Variants in CSMD3 observed in about 807,000 individuals in gnomAD.
CSMD3 encodes CUB and sushi domain-containing protein 3.
CSMD3 carries 177 observed loss-of-function variants against 435.2 expected under a neutral mutation model. The ratio of observed to expected loss-of-function variants is 0.41; its 90% CI spans 0.36 to 0.46. The LOEUF is 0.46. CSMD3 is among the 20% of genes least tolerant of loss of function. The pLI is 0.34. For missense variants in CSMD3, 4,265 were observed against 4,504.6 expected, an observed-to-expected ratio of 0.95 and a Z score of 1.52; for synonymous variants, 1,656 against 1,520.5, an observed-to-expected ratio of 1.09 and a Z score of -2.07.
chr8:112,479,273 G>C (rs1221312940), intron 31 of CSMD3, among the ~76,000 whole-genome samples: 1 of 152,156 alleles, frequency 6.6e-6, no homozygotes, highest in Non-Finnish European at 1.5e-5. Context: ...CTTAAAGTTG[G>C]AGCTTATATT....
At chr8:112,824,592 G>A (rs1258053651) in intron 12 of CSMD3, among the ~76,000 whole-genome samples, 1 of 152,106 alleles carries the variant, frequency 6.6e-6, no homozygotes, top group Non-Finnish European at 1.5e-5. Context: ...TAAAATTCTG[G>A]ATTGAAAATT....
chr8:113,059,897 A>AC (rs2088529552), intron 5 of CSMD3, among the ~76,000 whole-genome samples: 1 of 151,994 alleles, frequency 6.6e-6, no homozygotes, highest in South Asian at 2.1e-4. Flanking sequence ...GGCAAGGGTA[A>AC]TTTTTTTTCT....
intron 1 of CSMD3, among the ~76,000 whole-genome samples, chr8:113,356,909 A>C (rs1237766149): frequency 6.6e-6 from 1 of 152,150 alleles, no homozygotes; most frequent in Non-Finnish European, 1.5e-5. Flanking sequence ...CAACATAAAA[A>C]TATTTTTTTC....
intron 5 of CSMD3, among the ~76,000 whole-genome samples, chr8:113,023,331 T>A (rs16884290): frequency 0.052 from 7,854 of 152,148 alleles, 308 homozygotes; most frequent in Non-Finnish European, 0.082. Context: ...ATTTTTCACA[T>A]CATTACCTCC....
intron 38 of CSMD3, among the ~76,000 whole-genome samples, chr8:112,372,884 A>G (rs2131189696): frequency 6.6e-6 from 1 of 151,082 alleles, no homozygotes; most frequent in South Asian, 2.1e-4. Context: ...AAATAAATAA[A>G]AATAAATCAG....
At chr8:112,279,792 A>T (rs1818452400) in intron 59 of CSMD3, among the ~76,000 whole-genome samples, 1 of 152,190 alleles carries the variant, frequency 6.6e-6, no homozygotes, top group Non-Finnish European at 1.5e-5. Context: ...GTTCCTATCA[A>T]TAACTGGAAA....
intron 3 of CSMD3, among the ~76,000 whole-genome samples, chr8:113,211,034 G>A (rs1376291389): frequency 6.6e-6 from 1 of 152,072 alleles, no homozygotes; most frequent in African/African-American, 2.4e-5. Context: ...ATAATGCTCA[G>A]ATACCCTGAT....
chr8:113,109,212 G>A (rs981220231), intron 4 of CSMD3, among the ~76,000 whole-genome samples: 2 of 152,142 alleles, frequency 1.3e-5, no homozygotes, highest in African/African-American at 4.8e-5. Flanking sequence ...TTCCAATTCT[G>A]GCCCTGAAAA....
At chr8:113,216,736 A>G (rs868293825) in intron 3 of CSMD3, among the ~76,000 whole-genome samples, 15 of 151,914 alleles carry the variant, frequency 9.9e-5, no homozygotes, top group African/African-American at 3.1e-4. Flanking sequence ...GATGGTGCCC[A>G]TGCAGAGTAT....
At chr8:112,784,896 G>A (rs1390139458) in intron 13 of CSMD3, among the ~76,000 whole-genome samples, 4 of 151,900 alleles carry the variant, frequency 2.6e-5, no homozygotes, top group African/African-American at 4.8e-5. Context: ...GAGGGTATAT[G>A]TCCAAACTCA....
chr8:112,379,383 C>T (rs566616580), intron 38 of CSMD3, among the ~76,000 whole-genome samples: 127 of 152,184 alleles, frequency 8.3e-4, no homozygotes, highest in Admixed American at 4.0e-3. Context: ...GCAAAAGAAT[C>T]GCTTGAACCC....
intron 1 of CSMD3, among the ~76,000 whole-genome samples, chr8:113,428,887 AT>A (rs1349461115): frequency 3.3e-5 from 5 of 151,940 alleles, no homozygotes; most frequent in African/African-American, 1.2e-4. Context: ...ATTTAATCAT[AT>A]TTTTTAATGT....
At chr8:113,342,076 T>C (rs1297642509) in intron 1 of CSMD3, among the ~76,000 whole-genome samples, 1 of 149,960 alleles carries the variant, frequency 6.7e-6, no homozygotes, top group Non-Finnish European at 1.5e-5. Flanking sequence ...TTTAAAAGAT[T>C]AAAAAGAAAA....
At chr8:113,087,477 C>G (rs1474814753) in intron 5 of CSMD3, among the ~76,000 whole-genome samples, 1 of 152,162 alleles carries the variant, frequency 6.6e-6, no homozygotes, top group Admixed American at 6.5e-5. Context: ...GCTACAGTAA[C>G]CAAAACAGCA....
intron 31 of CSMD3, among the ~76,000 whole-genome samples, chr8:112,491,906 T>C (rs961618971): frequency 6.6e-6 from 1 of 152,148 alleles, no homozygotes; most frequent in Non-Finnish European, 1.5e-5. Flanking sequence ...GAGTCTCTAG[T>C]AACCCTAAGC....
At chr8:112,368,995 T>TTTA (rs1286550960) in intron 38 of CSMD3, among the ~76,000 whole-genome samples, 3 of 152,138 alleles carry the variant, frequency 2.0e-5, no homozygotes, top group Non-Finnish European at 4.4e-5. Flanking sequence ...TATAACCTTC[T>TTTA]TTATTATAAT....
Position 113,217,635 on chromosome 8 carries a change from A to G in CSMD3, c.515-43719T>C, listed in dbSNP as rs191979977. On this transcript the variant is annotated intron_variant, in intron 3 of 70. Transcript: ENST00000297405. ...AGGAAAAATATAAGTGAATCTGAAA[A>G]CAAAAGAACAGGAATCATTTAACCT... Among the ~76,000 whole-genome samples, 238 of 151,766 alleles carry G rather than the reference A, an allele frequency of 1.6e-3. 2 individuals carry two copies. Among genetic ancestry groups the G allele is most frequent in the Non-Finnish European group, 1.9e-4 (13 of 67,772 alleles).
intron 1 of CSMD3, among the ~76,000 whole-genome samples, chr8:113,428,827 T>C (rs1157493042): frequency 1.3e-5 from 2 of 151,904 alleles, no homozygotes; most frequent in Non-Finnish European, 3.0e-5. Flanking sequence ...ATAAAATAAG[T>C]CTACTTTTAT....
intron 1 of CSMD3, among the ~76,000 whole-genome samples, chr8:113,372,726 G>T (rs1467885217): frequency 6.6e-6 from 1 of 152,110 alleles, no homozygotes; most frequent in East Asian, 1.9e-4. Flanking sequence ...GAGGTCAGGA[G>T]ATCGAGACCA....
Sources: gnomAD v4.1 joint callset for allele counts (sites outside exome capture counted in the v4.1 genomes callset) on GRCh38, gnomAD v4.1.1 for gene constraint, MANE v1.5 for transcripts, NCBI Gene and HGNC (gene_info 2026-07-23, HGNC 2026-07-21) for gene names.